The following RERE variants were observed in gnomAD, a reference collection of about 807,000 sequenced individuals.
RERE encodes arginine-glutamic acid dipeptide repeats, also known as arginine-glutamic acid dipeptide repeats protein.
A neutral mutation model predicts 146.1 loss-of-function variants in RERE; 40 were observed. The ratio of observed to expected loss-of-function variants is 0.27; its 90% CI spans 0.21 to 0.36. RERE has a LOEUF of 0.36. Among genes scored for constraint, RERE ranks in the 10% least tolerant of loss-of-function variants. RERE has a pLI of 1.00. For missense variants in RERE, 1,933 were observed against 2,138.7 expected, an observed-to-expected ratio of 0.90 and a Z score of 1.90; for synonymous variants, 1,003 against 866.0, an observed-to-expected ratio of 1.16 and a Z score of -2.78.
chr1:8,540,408 T>C (rs544676802), intron 7 of RERE, among the ~76,000 whole-genome samples: 24 of 152,326 alleles, frequency 1.6e-4, no homozygotes, highest in African/African-American at 4.6e-4. Flanking sequence ...CCACTGCACC[T>C]GGCCGGGGAT....
At chr1:8,370,820 A>C (rs1167289644) in intron 12 of RERE, among the ~76,000 whole-genome samples, 1 of 152,246 alleles carries the variant, frequency 6.6e-6, no homozygotes, top group East Asian at 1.9e-4. Context: ...AGGGAACAAA[A>C]GCTGTTGCAG....
chr1:8,415,810 A>G (rs1376305240), intron 12 of RERE, among the ~76,000 whole-genome samples: 1 of 152,246 alleles, frequency 6.6e-6, no homozygotes, highest in East Asian at 1.9e-4. Context: ...ATGGGAACAA[A>G]CTCTCAGCAC....
At chr1:8,487,462 T>C (rs1456362222) in intron 10 of RERE, among the ~76,000 whole-genome samples, 1 of 152,004 alleles carries the variant, frequency 6.6e-6, no homozygotes, top group Non-Finnish European at 1.5e-5. Flanking sequence ...CCTGTAGTCT[T>C]AGCTACTTGG....
In RERE at chr1:8,354,532, C is replaced by CTGT. The variant is rs1282032435; in HGVS notation, c.*552_*554dup. On this transcript the variant is annotated 3_prime_UTR_variant, in exon 23 of 23. Transcript: ENST00000400908. ...TAGTAGTTTATGGAAGAAAAAAAGG[C>CTGT]TGTTCTAAAATTATTTATTTACAGA... 6.6e-6 allele frequency: 1 copy of CTGT among 152,184 alleles called. No homozygotes were observed. Among genetic ancestry groups the CTGT allele is most frequent in the Non-Finnish European group, 1.5e-5 (1 of 68,060 alleles). The allele number at this position is 152,184 out of a possible 1,614,324, so 9.4% of individuals were successfully genotyped here. A position where few individuals can be genotyped will look rare whatever the true frequency, so the allele number is the denominator to read the frequency against.
chr1:8,387,475 G>A (rs547639674), intron 12 of RERE, among the ~76,000 whole-genome samples: 11 of 152,246 alleles, frequency 7.2e-5, no homozygotes, highest in African/African-American at 2.4e-4. Flanking sequence ...GGATAAAATC[G>A]TTAAAATTAA....
intron 12 of RERE, among the ~76,000 whole-genome samples, chr1:8,391,801 C>T (rs1263400993): frequency 6.6e-6 from 1 of 152,050 alleles, no homozygotes; most frequent in African/African-American, 2.4e-5. Flanking sequence ...TTTGGAAGGC[C>T]GAGACAGGTG....
intron 8 of RERE, 41 bp from the exon 9 acceptor site, chr1:8,497,570 T>G: frequency 6.2e-7 from 1 of 1,610,316 alleles, no homozygotes; most frequent in Non-Finnish European, 8.5e-7. Flanking sequence ...AAGGCATGTA[T>G]TAATTATAAA....
At chr1:8,793,157 C>CA (rs1015889392) in intron 1 of RERE, among the ~76,000 whole-genome samples, 2,367 of 48,982 alleles carry the variant, frequency 0.048, 113 homozygotes, top group African/African-American at 0.13. Flanking sequence ...ACTCCATCTC[C>CA]AAAAAAAAAA....
At position 8,422,155 on chromosome 1, in the gene RERE, T is replaced by A. The variant is rs145122756; in HGVS notation, c.1284+572A>T. ...ACCCCCAGCTTTGTGAAATACTAAG[T>A]AGTTTTTTGTAAAGCTCCATTTAAG... On this transcript the variant is annotated intron_variant, in intron 12 of 22. Coordinates refer to ENST00000400908, the MANE Select transcript of RERE (RefSeq NM_001042681.2). Among the ~76,000 whole-genome samples the A allele has an allele frequency of 2.0e-4, 30 of 152,328 alleles. No individual in the cohort carries two copies. In the East Asian group the frequency reaches 5.8e-3, roughly 29 times the overall value.
intron 4 of RERE, among the ~76,000 whole-genome samples, chr1:8,602,659 C>T (rs1646647716): frequency 6.6e-6 from 1 of 152,088 alleles, no homozygotes; most frequent in Admixed American, 6.6e-5. Flanking sequence ...TGGAGAGACA[C>T]CCAACAGTCA....
intron 1 of RERE, among the ~76,000 whole-genome samples, chr1:8,724,875 T>TAAAAAAAAAAAAAA (rs1176635924): frequency 8.3e-6 from 1 of 120,748 alleles, no homozygotes; most frequent in Non-Finnish European, 1.8e-5. Flanking sequence ...AGATACTTTG[T>TAAAAAAAAAAAAAA]AAAAAAAAAA....
chr1:8,682,797 C>T (rs551045315), intron 1 of RERE, among the ~76,000 whole-genome samples: 1 of 152,078 alleles, frequency 6.6e-6, no homozygotes, highest in East Asian at 1.9e-4. Flanking sequence ...GTATGCCAGC[C>T]TCAATCAGGT....
intron 1 of RERE, chr1:8,786,383 T>C: frequency 2.4e-6 from 2 of 845,228 alleles, no homozygotes; most frequent in South Asian, 1.3e-5. Flanking sequence ...AGATCCTCCA[T>C]GCAGATGATG....
intron 1 of RERE, among the ~76,000 whole-genome samples, chr1:8,704,593 T>A (rs148095533): frequency 7.9e-5 from 12 of 152,310 alleles, no homozygotes; most frequent in Non-Finnish European, 7.4e-5. Flanking sequence ...TTGCCTATAG[T>A]CTCTCAACAA....
intron 1 of RERE, among the ~76,000 whole-genome samples, chr1:8,745,828 G>C (rs1640407964): frequency 6.6e-6 from 1 of 152,166 alleles, no homozygotes; most frequent in East Asian, 1.9e-4. Flanking sequence ...CTAGCACTTT[G>C]GGAGGCTGTG....
chr1:8,608,503 G>C (rs1646750425), intron 4 of RERE, among the ~76,000 whole-genome samples: 1 of 151,982 alleles, frequency 6.6e-6, no homozygotes. Flanking sequence ...GACCCTGTCT[G>C]TAAAATCAAC....
chr1:8,461,572 G>C (rs965912869), intron 11 of RERE, among the ~76,000 whole-genome samples: 6 of 152,094 alleles, frequency 3.9e-5, no homozygotes, highest in Non-Finnish European at 8.8e-5. Context: ...GGCACATTTT[G>C]GCTTCAGTTC....
chr1:8,440,605 A>T (rs1014499692), intron 11 of RERE, among the ~76,000 whole-genome samples: 7 of 133,780 alleles, frequency 5.2e-5, no homozygotes, highest in Non-Finnish European at 9.5e-5. Context: ...AAAAAAAAAA[A>T]GGCTGGGCAC....
intron 7 of RERE, among the ~76,000 whole-genome samples, chr1:8,539,247 G>C (rs1645766897): frequency 6.6e-6 from 1 of 152,140 alleles, no homozygotes; most frequent in African/African-American, 2.4e-5. Flanking sequence ...GAAGACATGA[G>C]AAGGTAGCCA....
Sources: allele counts gnomAD v4.1 joint callset (sites outside exome capture counted in the v4.1 genomes callset), GRCh38; gene constraint gnomAD v4.1.1; transcripts MANE v1.5; gene names NCBI Gene and HGNC (gene_info 2026-07-23, HGNC 2026-07-21).